Variants in LCLAT1 observed in about 807,000 individuals in gnomAD.
LCLAT1 encodes 1-AGP acyltransferase 8.
A neutral mutation model predicts 30.7 loss-of-function variants in LCLAT1; 11 were observed. That is an observed-to-expected ratio of 0.36 (90% confidence interval 0.23 to 0.59). The LOEUF (loss-of-function observed/expected upper bound fraction) is 0.59. LCLAT1 is among the 20% of genes least tolerant of loss of function. The probability of loss-of-function intolerance (pLI) is 0.77; values close to 1 mark genes in which losing one functional copy is unlikely to be tolerated. For synonymous variants in LCLAT1, 155 were observed against 151.3 expected (o/e 1.02, Z -0.18); for missense variants, 402 against 458.6 (o/e 0.88, Z 1.13).
At chr2:30,447,678 G>C (rs763144836) in intron 1 of LCLAT1, among the ~76,000 whole-genome samples, 8 of 152,346 alleles carry the variant, frequency 5.3e-5, no homozygotes, top group Non-Finnish European at 1.0e-4. Flanking sequence ...AGGTAGCCGC[G>C]GGGCGAAGAG....
intron 2 of LCLAT1, 76 bp downstream of exon 2, chr2:30,525,831 G>A: frequency 7.9e-7 from 1 of 1,267,298 alleles, no homozygotes; most frequent in South Asian, 1.2e-5. Context: ...TAAATCCATG[G>A]ATGTTCAAGT....
chr2:30,489,395 C>T (rs71444462), intron 1 of LCLAT1, among the ~76,000 whole-genome samples: 16,702 of 151,766 alleles, frequency 0.11, 1,245 homozygotes, highest in East Asian at 0.28. Context: ...CTCTGTCGCC[C>T]AGGCTGGAGT....
At chr2:30,574,939 C>T (rs377757564) in intron 5 of LCLAT1, among the ~76,000 whole-genome samples, 14 of 152,160 alleles carry the variant, frequency 9.2e-5, no homozygotes, top group African/African-American at 2.9e-4. Context: ...ATGTGTTTTT[C>T]GTATCCTCTG....
At chr2:30,602,024 G>GGCATTTGACAGACTTTCC (rs1487418313) in intron 5 of LCLAT1, among the ~76,000 whole-genome samples, 1 of 152,068 alleles carries the variant, frequency 6.6e-6, no homozygotes, top group African/African-American at 2.4e-5. Context: ...GAGGGGAAGA[G>GGCATTTGACAGACTTTCC]GCATTTGACA....
At chr2:30,490,289 G>A (rs1490004890) in intron 1 of LCLAT1, among the ~76,000 whole-genome samples, 6 of 146,246 alleles carry the variant, frequency 4.1e-5, no homozygotes, top group South Asian at 2.2e-4. Flanking sequence ...TGCAAGCTCC[G>A]CCTCCCAGGT....
At position 30,562,219 on chromosome 2, in the gene LCLAT1, C is replaced by G. The variant is rs1665261260; in HGVS notation, c.438C>G (p.Asp146Glu). 1 of 1,613,152 alleles carries G rather than the reference C, an allele frequency of 6.2e-7. No homozygotes were observed. Among genetic ancestry groups the G allele is most frequent in the Non-Finnish European group, 8.5e-7 (1 of 1,179,226 alleles). Residue 146 changes from aspartate (D) to glutamate (E), a missense_variant, in exon 4 of 6, where the codon GAC (aspartate) becomes GAG (glutamate). Asp to Glu is a conservative substitution (Grantham distance 45). Coordinates refer to ENST00000379509, the MANE Select transcript of LCLAT1 (RefSeq NM_001002257.3). ...KWKDDKSHFE[D>E]MIDYFCDIHE... ...AGGATGACAAGAGCCATTTCGAAGACATGATTGATTACTTTTGTGATATTC... is the reference window on the plus strand; with the variant it reads ...AGGATGACAAGAGCCATTTCGAAGAGATGATTGATTACTTTTGTGATATTC...
chr2:30,461,770 C>CCTTTTTTTTT lies in LCLAT1; in HGVS notation c.-5+14387_-5+14388insCTTTTTTTTT, dbSNP rs760622200. On this transcript the variant is annotated intron_variant, in intron 1 of 5. Coordinates refer to ENST00000379509, the MANE Select transcript of LCLAT1 (RefSeq NM_001002257.3). ...TGTGGACCACTTTTTCTAAATTAAA[C>CCTTTTTTTTT]TTTTTTTTTTTTTTTTTTGAGACGG... Among the ~76,000 whole-genome samples the CCTTTTTTTTT allele has an allele frequency of 2.1e-3, 276 of 131,622 alleles. 9 individuals carry two copies. The highest frequency in any genetic ancestry group is 3.7e-3 in the East Asian group (16 of 4,330). The allele number at this position is 131,622 out of a possible 152,430, so 86.3% of individuals were successfully genotyped here.
At chr2:30,512,273 C>G (rs1684972502) in intron 1 of LCLAT1, among the ~76,000 whole-genome samples, 1 of 152,084 alleles carries the variant, frequency 6.6e-6, no homozygotes, top group African/African-American at 2.4e-5. Flanking sequence ...AAATTAACCA[C>G]TGTATAATGT....
chr2:30,632,693 G>C (rs1003986256), intron 5 of LCLAT1, among the ~76,000 whole-genome samples: 4 of 152,174 alleles, frequency 2.6e-5, no homozygotes, highest in Admixed American at 2.0e-4. Flanking sequence ...ACTTCTCTAA[G>C]CACTGTAAAG....
intron 5 of LCLAT1, among the ~76,000 whole-genome samples, chr2:30,597,365 C>T (rs562346567): frequency 1.3e-4 from 20 of 152,152 alleles, no homozygotes; most frequent in South Asian, 2.1e-4. Flanking sequence ...TTACTTCCCT[C>T]GCTAGCTGTA....
intron 5 of LCLAT1, among the ~76,000 whole-genome samples, chr2:30,629,370 G>A (rs919156872): frequency 2.0e-5 from 3 of 152,162 alleles, no homozygotes; most frequent in South Asian, 2.1e-4. Context: ...GACCAGCCTG[G>A]CCAACGTGGC....
At chr2:30,447,637 G>C (rs988514537) in intron 1 of LCLAT1, 3 of 152,518 alleles carry the variant, frequency 2.0e-5, no homozygotes. Flanking sequence ...GAGGCGTCAG[G>C]TGCTGAGGGG....
rs373922972 is a variant in LCLAT1, at chr2:30,534,169, CAGGATAGACTAGTA to C, written c.364+868_364+881del. Reference sequence around the variant, plus strand: ...TGTGAGGGCAAAGGGCAGGCCCTCACAGGATAGACTAGTAAGGATAGACTAGCAAGGGTGTTTGT... The same window carrying C: ...TGTGAGGGCAAAGGGCAGGCCCTCACAGGATAGACTAGCAAGGGTGTTTGT... On this transcript the variant is annotated intron_variant, in intron 3 of 5. Coordinates refer to ENST00000379509, the MANE Select transcript of LCLAT1 (RefSeq NM_001002257.3). Among the ~76,000 whole-genome samples, 633 of 151,778 alleles carry C rather than the reference CAGGATAGACTAGTA, an allele frequency of 4.2e-3. 7 individuals are homozygous for C. The highest frequency in any genetic ancestry group is 0.015 in the African/African-American group (599 of 41,310).
At chr2:30,593,082 A>G (rs1017108335) in intron 5 of LCLAT1, among the ~76,000 whole-genome samples, 16 of 152,098 alleles carry the variant, frequency 1.1e-4, no homozygotes, top group African/African-American at 3.1e-4. Flanking sequence ...TTCCCTTGCC[A>G]GCCTCTGGTA....
intron 5 of LCLAT1, among the ~76,000 whole-genome samples, chr2:30,621,948 G>T (rs1033649362): frequency 2.6e-5 from 4 of 152,192 alleles, no homozygotes; most frequent in Admixed American, 2.6e-4. Flanking sequence ...TATGATCACA[G>T]AAGATGCGGC....
At chr2:30,522,077 G>A (rs899769458) in intron 1 of LCLAT1, among the ~76,000 whole-genome samples, 6 of 152,054 alleles carry the variant, frequency 3.9e-5, no homozygotes, top group Admixed American at 2.0e-4. Flanking sequence ...GATGTACTAC[G>A]GTTTTGTTTA....
chr2:30,461,852 G>C (rs925826218), intron 1 of LCLAT1, among the ~76,000 whole-genome samples: 1 of 145,700 alleles, frequency 6.9e-6, no homozygotes, highest in African/African-American at 2.5e-5. Flanking sequence ...CTCACTGCAA[G>C]CTCCGCCTCC....
intron 1 of LCLAT1, among the ~76,000 whole-genome samples, chr2:30,484,830 A>G (rs754215426): frequency 1.3e-5 from 2 of 152,164 alleles, no homozygotes; most frequent in Non-Finnish European, 2.9e-5. Flanking sequence ...TTCATTTTCC[A>G]TATGTGTTTT....
intron 2 of LCLAT1, among the ~76,000 whole-genome samples, chr2:30,527,054 A>G (rs1232517081): frequency 6.6e-6 from 1 of 152,178 alleles, no homozygotes; most frequent in African/African-American, 2.4e-5. Context: ...TTCTCTATAT[A>G]CATATATTAA....
Sources: gnomAD v4.1 joint callset for allele counts (sites outside exome capture counted in the v4.1 genomes callset) on GRCh38, gnomAD v4.1.1 for gene constraint, MANE v1.5 for transcripts, NCBI Gene and HGNC (gene_info 2026-07-23, HGNC 2026-07-21) for gene names.